ODAD2: variants seen among roughly 807,000 people sequenced by gnomAD.
ODAD2 encodes the protein outer dynein arm-docking complex subunit 2.
ODAD2 carries 89 observed loss-of-function variants against 106.8 expected under a neutral mutation model. That is an observed-to-expected ratio of 0.83 (90% confidence interval 0.70 to 0.99). The LOEUF (loss-of-function observed/expected upper bound fraction) is 0.99. ODAD2 is among the 50% of genes least tolerant of loss of function. The probability of loss-of-function intolerance (pLI) is 0.00; values close to 1 mark genes in which losing one functional copy is unlikely to be tolerated. For synonymous variants in ODAD2, 404 were observed against 436.2 expected, an observed-to-expected ratio of 0.93 and a Z score of 0.92; for missense variants, 1,168 against 1,238.5, an observed-to-expected ratio of 0.94 and a Z score of 0.85.
intron 16 of ODAD2, among the ~76,000 whole-genome samples, chr10:27,917,738 C>T (rs1227493021): frequency 6.6e-6 from 1 of 151,324 alleles, no homozygotes; most frequent in Non-Finnish European, 1.5e-5. Flanking sequence ...GTTTGAAAAA[C>T]CAATTGAAAA....
At chr10:27,975,625 A>T (rs2133041594) in intron 7 of ODAD2, among the ~76,000 whole-genome samples, 1 of 152,308 alleles carries the variant, frequency 6.6e-6, no homozygotes, top group Non-Finnish European at 1.5e-5. Flanking sequence ...TGTCAAATAA[A>T]TTGAATTTGT....
chr10:27,972,301 T>C (rs1252531653), intron 7 of ODAD2, among the ~76,000 whole-genome samples: 38 of 151,904 alleles, frequency 2.5e-4, no homozygotes, highest in Non-Finnish European at 1.9e-4. Context: ...AGTAAACCAA[T>C]AGCATAAATA....
chr10:27,934,458 T>C (rs1845822674), intron 16 of ODAD2, among the ~76,000 whole-genome samples: 1 of 149,844 alleles, frequency 6.7e-6, no homozygotes, highest in African/African-American at 2.4e-5. Flanking sequence ...TTTATATAGA[T>C]ATATTTATTT....
intron 10 of ODAD2, among the ~76,000 whole-genome samples, chr10:27,948,993 G>A (rs1367131293): frequency 2.0e-5 from 3 of 151,272 alleles, no homozygotes; most frequent in Admixed American, 6.6e-5. Flanking sequence ...CCTCAACTAC[G>A]TTTTTTTAAT....
At chr10:27,836,642 G>T (rs1402344494) in intron 19 of ODAD2, among the ~76,000 whole-genome samples, 2 of 152,160 alleles carry the variant, frequency 1.3e-5, no homozygotes, top group African/African-American at 2.4e-5. Context: ...CTATGAGCTT[G>T]CAGGGTTCTT....
intron 19 of ODAD2, among the ~76,000 whole-genome samples, chr10:27,841,501 T>C (rs1838303310): frequency 6.6e-6 from 1 of 152,104 alleles, no homozygotes; most frequent in South Asian, 2.1e-4. Flanking sequence ...GTTCAAGCAA[T>C]TCTCCTGCTT....
chr10:27,832,888 G>A (rs933579080), intron 19 of ODAD2, among the ~76,000 whole-genome samples: 5 of 152,054 alleles, frequency 3.3e-5, no homozygotes, highest in African/African-American at 4.8e-5. Context: ...AAAATTATCC[G>A]ACTTATCATG....
intron 15 of ODAD2, among the ~76,000 whole-genome samples, chr10:27,936,032 G>A (rs1054394042): frequency 3.3e-5 from 5 of 152,174 alleles, no homozygotes; most frequent in East Asian, 1.9e-4. Flanking sequence ...TCCATTAGCC[G>A]AGGTTACTTT....
chr10:27,921,892 C>A (rs1430997157), intron 16 of ODAD2, among the ~76,000 whole-genome samples: 1 of 148,574 alleles, frequency 6.7e-6, no homozygotes, highest in African/African-American at 2.5e-5. Flanking sequence ...TTAGGCCGGG[C>A]GCCTTGGCTC....
intron 10 of ODAD2, chr10:27,957,605 G>A (rs2132792075): frequency 6.6e-6 from 1 of 152,306 alleles, no homozygotes; most frequent in Non-Finnish European, 1.5e-5. Context: ...AAAGAAGCTG[G>A]AAGGTTGGTG....
intron 19 of ODAD2, chr10:27,853,377 A>G: frequency 3.6e-6 from 1 of 277,628 alleles, no homozygotes; most frequent in Non-Finnish European, 7.1e-6. Flanking sequence ...TAAATAAATA[A>G]ATAAATAAAT....
chr10:27,831,954 C>A (rs1038008867), intron 19 of ODAD2, among the ~76,000 whole-genome samples: 1 of 152,238 alleles, frequency 6.6e-6, no homozygotes, highest in Non-Finnish European at 1.5e-5. Flanking sequence ...TAGGTGCCTG[C>A]CTTGACCCAC....
chr10:27,961,817 T>C (rs1322604894), intron 9 of ODAD2, 102 bp from the exon 10 acceptor site: 16 of 980,214 alleles, frequency 1.6e-5, no homozygotes, highest in Admixed American at 4.9e-5. Context: ...ATAATCTCAG[T>C]GCTTTGGGAG....
In ODAD2 at chr10:27,985,153, G is replaced by GT. The variant is rs1849798196; in HGVS notation, c.440dup (p.Asn147LysfsTer15). 1 of 1,585,852 alleles carries GT rather than the reference G, an allele frequency of 6.3e-7. No individual in the cohort carries two copies. Among genetic ancestry groups the GT allele is most frequent in the Admixed American group, 1.7e-5 (1 of 57,814 alleles). ...TGCCAAGAATATTTAATGCAATTGA[G>GT]TTTTCTTTCATTGTATTATAATCAG... On this transcript the variant is annotated frameshift_variant, in exon 4 of 20. Coordinates refer to ENST00000305242, the MANE Select transcript of ODAD2 (RefSeq NM_018076.5). LOFTEE classifies it high-confidence loss of function.
intron 9 of ODAD2, among the ~76,000 whole-genome samples, 167 bp from the exon 10 acceptor site, chr10:27,961,882 T>C (rs749527160): frequency 6.6e-6 from 1 of 152,078 alleles, no homozygotes; most frequent in African/African-American, 2.4e-5. Context: ...CTGGACAACA[T>C]AGCAAGACTC....
chr10:27,994,871 C>A, intron 2 of ODAD2, 48 bp downstream of exon 2: 1 of 1,595,828 alleles, frequency 6.3e-7, no homozygotes, highest in Non-Finnish European at 8.5e-7. Flanking sequence ...ATTGATAATA[C>A]TATGTACAAC....
At chr10:27,997,587 A>G (rs1406499548) in intron 1 of ODAD2, 3 of 152,228 alleles carry the variant, frequency 2.0e-5, no homozygotes, top group South Asian at 4.1e-4. Flanking sequence ...GTAACATTTG[A>G]ATCTATTCAA....
At chr10:27,989,125 T>C (rs1850065987) in intron 2 of ODAD2, among the ~76,000 whole-genome samples, 1 of 152,112 alleles carries the variant, frequency 6.6e-6, no homozygotes, top group South Asian at 2.1e-4. Context: ...GATACCTTGA[T>C]TTTAGCCCTG....
chr10:27,909,217 C>T (rs1843813497), intron 16 of ODAD2, among the ~76,000 whole-genome samples: 1 of 151,962 alleles, frequency 6.6e-6, no homozygotes, highest in Non-Finnish European at 1.5e-5. Flanking sequence ...TTGAAAATTT[C>T]GCAGCAAATT....
Sources: gnomAD v4.1 joint callset for allele counts (sites outside exome capture counted in the v4.1 genomes callset) on GRCh38, gnomAD v4.1.1 for gene constraint, MANE v1.5 for transcripts, NCBI Gene and HGNC (gene_info 2026-07-23, HGNC 2026-07-21) for gene names.